RHBDL2: variants seen among roughly 807,000 people sequenced by gnomAD.
The protein encoded by RHBDL2 is rhomboid-related protein 2.
RHBDL2 carries 26 observed loss-of-function variants against 31.7 expected under a neutral mutation model. The ratio of observed to expected loss-of-function variants is 0.82; its 90% CI spans 0.60 to 1.14. The LOEUF is 1.14. RHBDL2 is among the 50% of genes most tolerant of loss of function. RHBDL2 has a pLI of 0.00. For missense variants in RHBDL2, 336 were observed against 364.4 expected, an observed-to-expected ratio of 0.92 and a Z score of 0.63; for synonymous variants, 123 against 127.2, an observed-to-expected ratio of 0.97 and a Z score of 0.22.
chr1:38,893,131 G>A, intron 6 of RHBDL2, 33 bp downstream of exon 6: 1 of 1,237,626 alleles, frequency 8.1e-7, no homozygotes, highest in Non-Finnish European at 1.2e-6. Context: ...ATTTTCACTT[G>A]GACAGTATGA....
chr1:38,924,486 C>G (rs561798053), intron 1 of RHBDL2, among the ~76,000 whole-genome samples: 1 of 151,912 alleles, frequency 6.6e-6, no homozygotes, highest in South Asian at 2.1e-4. Flanking sequence ...CCCAGCTACT[C>G]GGGAGGCTGA....
chr1:38,933,768 G>A (rs1322799424), intron 1 of RHBDL2, among the ~76,000 whole-genome samples: 2 of 143,570 alleles, frequency 1.4e-5, no homozygotes, highest in South Asian at 2.2e-4. Flanking sequence ...TCGCTCTGTT[G>A]CCCAGGCTGG....
At chr1:38,925,252 C>G (rs61780056) in intron 1 of RHBDL2, among the ~76,000 whole-genome samples, 8,510 of 151,868 alleles carry the variant, frequency 0.056, 885 homozygotes, top group East Asian at 0.46. Context: ...AATCCCAGCA[C>G]TTTGAGAGGC....
rs1444004321 is a variant in RHBDL2 at position 38,938,408 on chromosome 1, T to TGA, written c.-126+3273_-126+3274insTC. ...ACCTCATGACCTGAACCCTGCCTATTTATCCACCTTCATTTCTTTCCATTT... is the reference window on the plus strand; with the variant it reads ...ACCTCATGACCTGAACCCTGCCTATTGATATCCACCTTCATTTCTTTCCATTT... On this transcript the variant is annotated intron_variant, in intron 1 of 7. Coordinates refer to ENST00000372990, the MANE Select transcript of RHBDL2 (RefSeq NM_017821.5). Among the ~76,000 whole-genome samples, 114 of 152,188 alleles carry TGA rather than the reference T, an allele frequency of 7.5e-4. 1 individual carries two copies. In the East Asian group the frequency reaches 0.019, roughly 26 times the overall value.
chr1:38,907,295 T>A (rs1197455601), intron 4 of RHBDL2, among the ~76,000 whole-genome samples: 2 of 152,038 alleles, frequency 1.3e-5, no homozygotes, highest in Admixed American at 1.3e-4. Flanking sequence ...ATCCCAGCAC[T>A]TTGGGAGGCC....
intron 4 of RHBDL2, among the ~76,000 whole-genome samples, chr1:38,905,516 G>A (rs1439417193): frequency 1.3e-5 from 2 of 151,216 alleles, no homozygotes; most frequent in Non-Finnish European, 2.9e-5. Context: ...TTGGGAGGCT[G>A]AGGCAAATGA....
chr1:38,939,663 C>T (rs1035925196), intron 1 of RHBDL2, among the ~76,000 whole-genome samples: 1 of 151,780 alleles, frequency 6.6e-6, no homozygotes, highest in Non-Finnish European at 1.5e-5. Flanking sequence ...AAAAAAAAAA[C>T]CAAGTAGCTG....
At chr1:38,922,266 T>A (rs1191480059) in intron 1 of RHBDL2, among the ~76,000 whole-genome samples, 1 of 147,188 alleles carries the variant, frequency 6.8e-6, no homozygotes, top group African/African-American at 2.6e-5. Context: ...ACATTTGGGG[T>A]TTTTTTATTT....
At chr1:38,920,218 A>G (rs1393050530) in intron 1 of RHBDL2, among the ~76,000 whole-genome samples, 2 of 121,514 alleles carry the variant, frequency 1.6e-5, no homozygotes, top group Non-Finnish European at 3.1e-5. Flanking sequence ...CCCAGGCTGG[A>G]GTCCAGTGGT....
At chr1:38,928,842 C>T (rs530787860) in intron 1 of RHBDL2, among the ~76,000 whole-genome samples, 165 of 152,196 alleles carry the variant, frequency 1.1e-3, no homozygotes, top group African/African-American at 3.8e-3. Context: ...AGGAGGATTG[C>T]TTGAGGCCAG....
At chr1:38,914,997 C>G (rs1386248832) in intron 3 of RHBDL2, among the ~76,000 whole-genome samples, 1 of 149,922 alleles carries the variant, frequency 6.7e-6, no homozygotes, top group Non-Finnish European at 1.5e-5. Flanking sequence ...CCACTGCACT[C>G]TAGCCTGGTG....
At chr1:38,894,707 C>CTTTTTTTTTTTTTTTTTTTTTTCT (rs71057159) in intron 5 of RHBDL2, among the ~76,000 whole-genome samples, 1 of 114,192 alleles carries the variant, frequency 8.8e-6, no homozygotes, top group Non-Finnish European at 1.7e-5. Flanking sequence ...CTTTTTTTTT[C>CTTTTTTTTTTTTTTTTTTTTTTCT]TTTTTTTTTT....
At chr1:38,899,624 A>G (rs1257447570) in intron 4 of RHBDL2, among the ~76,000 whole-genome samples, 2 of 152,218 alleles carry the variant, frequency 1.3e-5, no homozygotes, top group Admixed American at 6.5e-5. Context: ...TTTCCCTTAG[A>G]AACAGACTGG....
intron 1 of RHBDL2, among the ~76,000 whole-genome samples, chr1:38,938,279 T>C (rs1017018625): frequency 2.0e-5 from 3 of 152,160 alleles, no homozygotes; most frequent in Non-Finnish European, 2.9e-5. Context: ...CCTCCCAAAG[T>C]GCTGGGATTA....
At chr1:38,922,336 C>T (rs969713502) in intron 1 of RHBDL2, among the ~76,000 whole-genome samples, 1 of 122,382 alleles carries the variant, frequency 8.2e-6, no homozygotes, top group Non-Finnish European at 1.6e-5. Context: ...GGCAGGATCA[C>T]GGCTCATTGC....
chr1:38,888,737 T>C (rs1344107079), intron 6 of RHBDL2, among the ~76,000 whole-genome samples: 1 of 152,174 alleles, frequency 6.6e-6, no homozygotes, highest in East Asian at 1.9e-4. Context: ...ATATGAAAAC[T>C]CTTAAACCCA....
chr1:38,893,044 C>T lies in RHBDL2; in HGVS notation c.670+120G>A, dbSNP rs1642873835. 3 of 574,946 alleles carry T rather than the reference C, an allele frequency of 5.2e-6. No individual in the cohort carries two copies. The East Asian group carries it at 8.6e-5, about 17-fold the overall frequency. 35.6% of individuals were successfully genotyped at this position (574,946 alleles called of 1,614,324 possible). On this transcript the variant is annotated intron_variant, in intron 6 of 7. Coordinates refer to ENST00000372990, the MANE Select transcript of RHBDL2 (RefSeq NM_017821.5). ...GTACTTCAGACATACCATAGACCTCCCAGGTCTGTGTGTATGCCCCAAATT... is the reference window on the plus strand; with the variant it reads ...GTACTTCAGACATACCATAGACCTCTCAGGTCTGTGTGTATGCCCCAAATT...
chr1:38,906,202 C>A (rs181909553), intron 4 of RHBDL2, among the ~76,000 whole-genome samples: 1 of 151,998 alleles, frequency 6.6e-6, no homozygotes, highest in East Asian at 1.9e-4. Context: ...GAAGTGCTAG[C>A]CAACACAATA....
chr1:38,912,658 C>A (rs896248474), intron 3 of RHBDL2, among the ~76,000 whole-genome samples: 2 of 150,738 alleles, frequency 1.3e-5, no homozygotes, highest in African/African-American at 4.9e-5. Flanking sequence ...TGGGTTCAAG[C>A]AATCCATCCA....
Sources: gnomAD v4.1 joint callset for allele counts (sites outside exome capture counted in the v4.1 genomes callset) on GRCh38, gnomAD v4.1.1 for gene constraint, MANE v1.5 for transcripts, NCBI Gene and HGNC (gene_info 2026-07-23, HGNC 2026-07-21) for gene names.